The following WRN variants were observed in gnomAD, a reference collection of about 807,000 sequenced individuals.
WRN encodes the protein bifunctional 3'-5' exonuclease/ATP-dependent helicase WRN.
WRN carries 149 observed loss-of-function variants against 180.7 expected under a neutral mutation model. The observed-to-expected ratio is 0.82, with a 90% CI of 0.72 to 0.94. The LOEUF is 0.94. WRN is among the 40% of genes least tolerant of loss of function. The pLI is 0.00. For missense variants in WRN, 1,661 were observed against 1,700.1 expected, an observed-to-expected ratio of 0.98 and a Z score of 0.40; for synonymous variants, 548 against 568.9, an observed-to-expected ratio of 0.96 and a Z score of 0.52.
chr8:31,142,747 T>C, intron 27 of WRN, 46 bp downstream of exon 27: 2 of 1,463,038 alleles, frequency 1.4e-6, no homozygotes, highest in Middle Eastern at 1.9e-4. Context: ...TCTTTATTGA[T>C]TCAAATTCTG....
intron 3 of WRN, among the ~76,000 whole-genome samples, chr8:31,059,865 G>T (rs539191421): frequency 6.6e-6 from 1 of 152,120 alleles, no homozygotes; most frequent in South Asian, 2.1e-4. Flanking sequence ...GACCATCCCG[G>T]CTAACATGGT....
intron 16 of WRN, among the ~76,000 whole-genome samples, chr8:31,092,439 TTGTGTG>T (rs142679273): frequency 5.4e-5 from 8 of 146,814 alleles, no homozygotes; most frequent in Non-Finnish European, 9.0e-5. Context: ...CACACCCATT[TTGTGTG>T]TGTGTGTGTG....
At position 31,176,091 on chromosome 8, in the gene WRN, C is replaced by G. The variant is rs1276572691; in HGVS notation, c.*2989C>G. Among the ~76,000 whole-genome samples the G allele has an allele frequency of 6.6e-6, 1 of 152,076 alleles. No homozygotes were observed. Among genetic ancestry groups the G allele is most frequent in the East Asian group, 1.9e-4 (1 of 5,180 alleles). On this transcript the variant is annotated 3_prime_UTR_variant, in exon 35 of 35. Transcript: ENST00000298139. ...GGTGTACCATGAATTATGTACCTTA[C>G]TTCATATTGTTGGACATTAAAGTTG...
At chr8:31,046,783 C>CT (rs1180519024) in intron 1 of WRN, among the ~76,000 whole-genome samples, 48 of 152,238 alleles carry the variant, frequency 3.2e-4, no homozygotes, top group African/African-American at 1.1e-3. Context: ...GAGACATCAC[C>CT]TATTGGTACC....
chr8:31,097,233 G>T (rs1814027574), intron 17 of WRN, among the ~76,000 whole-genome samples: 1 of 152,068 alleles, frequency 6.6e-6, no homozygotes, highest in Non-Finnish European at 1.5e-5. Flanking sequence ...TAATTTACTT[G>T]TTTTTCATGT....
intron 33 of WRN, among the ~76,000 whole-genome samples, chr8:31,164,670 G>A (rs1803779131): frequency 6.6e-6 from 1 of 152,140 alleles, no homozygotes; most frequent in East Asian, 1.9e-4. Context: ...TTAAGGCATT[G>A]AATGAAGTAC....
At chr8:31,114,249 T>C (rs1801428694) in intron 19 of WRN, among the ~76,000 whole-genome samples, 1 of 152,216 alleles carries the variant, frequency 6.6e-6, no homozygotes, top group Non-Finnish European at 1.5e-5. Context: ...AGTATTTTTA[T>C]CCATTGAGCT....
In WRN at chr8:31,174,787, T is replaced by TCCCCTC. The variant is rs1804216284; in HGVS notation, c.*1685_*1686insCCCCTC. On this transcript the variant is annotated 3_prime_UTR_variant, in exon 35 of 35. Transcript: ENST00000298139. Reference sequence around the variant, plus strand: ...TTCTTTCTCTCTTTCCTTCCTTCCCTTCCCTTCCCCTTCCTTCCTTCCTTC... The same window carrying TCCCCTC: ...TTCTTTCTCTCTTTCCTTCCTTCCCTCCCCTCTCCCTTCCCCTTCCTTCCTTCCTTC... Among the ~76,000 whole-genome samples, 1 of 125,070 alleles carries TCCCCTC rather than the reference T, an allele frequency of 8.0e-6. No individual in the cohort carries two copies. Among genetic ancestry groups the TCCCCTC allele is most frequent in the African/African-American group, 2.9e-5 (1 of 34,976 alleles). The allele number at this position is 125,070 out of a possible 152,430, so 82.1% of individuals were successfully genotyped here.
rs752154989 is a variant in WRN at position 31,100,848 on chromosome 8, G to A, written c.1982-1G>A. ...CTTTATGTGTTTTTCTTTTTTTACAGGTATCACGCTCATTGCTGTGGATGA... is the reference window on the plus strand; with the variant it reads ...CTTTATGTGTTTTTCTTTTTTTACAAGTATCACGCTCATTGCTGTGGATGA... On this transcript the variant is annotated splice_acceptor_variant, in intron 17 of 34. Transcript: ENST00000298139. LOFTEE classifies it high-confidence loss of function. 2 of 1,613,088 alleles carry A rather than the reference G, an allele frequency of 1.2e-6. No homozygotes were observed. Among genetic ancestry groups the A allele is most frequent in the Admixed American group, 1.7e-5 (1 of 59,980 alleles).
intron 33 of WRN, among the ~76,000 whole-genome samples, chr8:31,164,776 A>G (rs1803783890): frequency 6.6e-6 from 1 of 152,180 alleles, no homozygotes; most frequent in Non-Finnish European, 1.5e-5. Context: ...TACAAAAGTA[A>G]GGTTAATATG....
intron 1 of WRN, among the ~76,000 whole-genome samples, chr8:31,044,136 G>A (rs1412697466): frequency 1.4e-4 from 21 of 151,544 alleles, no homozygotes; most frequent in African/African-American, 4.6e-4. Context: ...CCGCCTCCCA[G>A]GTTCACGCCA....
At position 31,046,354 on chromosome 8, in the gene WRN, A is replaced by C. The variant is rs1811861287; in HGVS notation, c.-76-12018A>C. ...TTGTAAAAGCTGGTTAGTGATAGCA[A>C]TCAGACTCTTTTAAAGGTGATTTTT... On this transcript the variant is annotated intron_variant, in intron 1 of 34. Coordinates refer to ENST00000298139, the MANE Select transcript of WRN (RefSeq NM_000553.6). 2.0e-5 allele frequency among the ~76,000 whole-genome samples: 3 copies of C among 152,330 alleles called. No homozygotes were observed. In the East Asian group the frequency reaches 5.8e-4, roughly 29 times the overall value.
rs368026803 is a variant in WRN, at chr8:31,120,541, T to TA, written c.2630+132dup. On this transcript the variant is annotated intron_variant, in intron 21 of 34. Coordinates refer to ENST00000298139, the MANE Select transcript of WRN (RefSeq NM_000553.6). ...AAGTAATTTGTGAGTGCATTTAAAG[T>TA]AAAAAAAAAAAAAAAGAAAAATAAA... 200,795 of 685,776 alleles carry TA rather than the reference T, an allele frequency of 0.29. 15,849 individuals are homozygous for TA. The highest frequency in any genetic ancestry group is 0.44 in the African/African-American group (21,970 of 49,500). 42.5% of individuals were successfully genotyped at this position (685,776 alleles called of 1,614,324 possible).
At chr8:31,061,781 C>T (rs947618862) in intron 3 of WRN, among the ~76,000 whole-genome samples, 12 of 152,318 alleles carry the variant, frequency 7.9e-5, no homozygotes, top group African/African-American at 2.6e-4. Context: ...GATCTCTTCT[C>T]TGACTTTTCA....
chr8:31,070,318 C>CA (rs1220941047), intron 7 of WRN, among the ~76,000 whole-genome samples: 1 of 151,698 alleles, frequency 6.6e-6, no homozygotes, highest in East Asian at 1.9e-4. Context: ...TTCGAATGAC[C>CA]ACTTTTCTCT....
At chr8:31,084,333 A>C (rs1246536410) in intron 10 of WRN, among the ~76,000 whole-genome samples, 2 of 152,090 alleles carry the variant, frequency 1.3e-5, no homozygotes, top group African/African-American at 4.8e-5. Context: ...TCTTTTACAC[A>C]AATTATTGCC....
intron 18 of WRN, among the ~76,000 whole-genome samples, chr8:31,101,825 A>C (rs1435940598): frequency 6.6e-6 from 1 of 150,808 alleles, no homozygotes; most frequent in African/African-American, 2.4e-5. Flanking sequence ...GAATTTTTAC[A>C]TGAATATTCT....
intron 33 of WRN, 140 bp from the exon 34 acceptor site, chr8:31,166,882 T>C (rs2130513451): frequency 1.3e-6 from 1 of 766,654 alleles, no homozygotes. Context: ...CGTAAGGCTA[T>C]AGGCATTTGA....
At chr8:31,102,644 T>C (rs1800922466) in intron 18 of WRN, among the ~76,000 whole-genome samples, 1 of 152,162 alleles carries the variant, frequency 6.6e-6, no homozygotes, top group African/African-American at 2.4e-5. Context: ...AGATAAAAGA[T>C]GGTATACCTG....
Sources: gnomAD v4.1 joint callset for allele counts (sites outside exome capture counted in the v4.1 genomes callset) on GRCh38, gnomAD v4.1.1 for gene constraint, MANE v1.5 for transcripts, NCBI Gene and HGNC (gene_info 2026-07-23, HGNC 2026-07-21) for gene names.